EPG5: variants seen among roughly 807,000 people sequenced by gnomAD.
The protein encoded by EPG5 is ectopic P-granules 5 autophagy tethering factor, also known as ectopic P granules protein 5 homolog.
In EPG5, 159 loss-of-function variants were observed where a neutral mutation model predicts 302.7. The ratio of observed to expected loss-of-function variants is 0.53; its 90% confidence interval spans 0.46 to 0.60. The LOEUF (loss-of-function observed/expected upper bound fraction) is 0.60. EPG5 is among the 20% of genes least tolerant of loss of function. The pLI is 0.00. For missense variants in EPG5, 2,896 were observed against 3,092.4 expected, an observed-to-expected ratio of 0.94 and a Z score of 1.51; for synonymous variants, 1,158 against 1,136.8, an observed-to-expected ratio of 1.02 and a Z score of -0.37.
chr18:45,833,197 G>A, the EPG5 span, among the ~76,000 whole-genome samples: 1 of 152,184 alleles, frequency 6.6e-6, no homozygotes, highest in Non-Finnish European at 1.5e-5. Context: ...CCAGGGTTAA[G>A]CCTTGGCTCT....
At chr18:45,842,463 A>C in the EPG5 span, 3 of 384,224 alleles carry the variant, frequency 7.8e-6, no homozygotes, top group East Asian at 5.2e-5. Flanking sequence ...GAGAGAGAGT[A>C]CACGCATTAG....
the EPG5 span, among the ~76,000 whole-genome samples, chr18:45,827,137 A>G: frequency 6.6e-6 from 1 of 152,178 alleles, no homozygotes; most frequent in Non-Finnish European, 1.5e-5. Context: ...CCTGGTCTCG[A>G]ACTCCTGACC....
the EPG5 span, chr18:45,840,258 C>T: frequency 6.2e-7 from 1 of 1,610,302 alleles, no homozygotes; most frequent in Non-Finnish European, 8.5e-7. Context: ...GAGCTCCCCG[C>T]CTCCACCCTA....
At chr18:45,908,613 G>A (rs959159134) in intron 23 of EPG5, among the ~76,000 whole-genome samples, 1 of 152,186 alleles carries the variant, frequency 6.6e-6, no homozygotes, top group South Asian at 2.1e-4. Context: ...ATGTGTGTAC[G>A]CCCCTCTCAT....
chr18:45,879,950 C>A, intron 32 of EPG5, 125 bp downstream of exon 32: 1 of 1,123,316 alleles, frequency 8.9e-7, no homozygotes, highest in African/African-American at 1.6e-5. Flanking sequence ...AACCAAAGCA[C>A]TTAACACAAA....
intron 27 of EPG5, among the ~76,000 whole-genome samples, chr18:45,897,652 A>T (rs1473920640): frequency 6.6e-6 from 1 of 152,250 alleles, no homozygotes; most frequent in Non-Finnish European, 1.5e-5. Context: ...ACATATTTAC[A>T]ATAACATACG....
rs2048427185 is a variant in EPG5 at position 45,851,844 on chromosome 18, G to A, written c.*623C>T. ...TCTCCATGAGGATACACGGCTGGAT[G>A]GAAATTGACTTGTCATCATCTCTAC... On this transcript the variant is annotated 3_prime_UTR_variant, in exon 44 of 44. Transcript: ENST00000282041. The A allele has an allele frequency of 6.6e-6, 1 of 152,206 alleles. No individual in the cohort carries two copies. Among genetic ancestry groups the A allele is most frequent in the Admixed American group, 6.5e-5 (1 of 15,288 alleles). The allele number at this position is 152,206 out of a possible 1,614,324, so 9.4% of individuals were successfully genotyped here.
At chr18:45,831,201 C>G in the EPG5 span, among the ~76,000 whole-genome samples, 1,219 of 152,318 alleles carry the variant, frequency 8.0e-3, 11 homozygotes, top group African/African-American at 0.026. Context: ...GTCTCTGTGT[C>G]CACCTGCTAC....
intron 7 of EPG5, among the ~76,000 whole-genome samples, chr18:45,944,520 C>T (rs1485078328): frequency 1.3e-5 from 2 of 152,088 alleles, no homozygotes; most frequent in Non-Finnish European, 2.9e-5. Context: ...TTTGGAAGGC[C>T]GAGGCGGGCA....
intron 27 of EPG5, among the ~76,000 whole-genome samples, chr18:45,893,792 T>C (rs8090303): frequency 0.99 from 150,224 of 152,328 alleles, 74,077 homozygotes; most frequent in East Asian, 1. Flanking sequence ...AAGTATTAAG[T>C]TGTTTAAAAG....
At chr18:45,868,054 G>A in intron 36 of EPG5, 1 of 483,612 alleles carries the variant, frequency 2.1e-6, no homozygotes, top group Non-Finnish European at 4.1e-6. Flanking sequence ...GTAAGTCACT[G>A]GAGCTGCAGG....
chr18:45,891,929 T>C (rs1267857086), intron 27 of EPG5, among the ~76,000 whole-genome samples: 1 of 152,192 alleles, frequency 6.6e-6, no homozygotes, highest in African/African-American at 2.4e-5. Flanking sequence ...TTTTGTTCAA[T>C]ACATCACCAA....
chr18:45,964,989 A>C (rs1251925381), intron 1 of EPG5, among the ~76,000 whole-genome samples: 1 of 152,182 alleles, frequency 6.6e-6, no homozygotes, highest in East Asian at 1.9e-4. Context: ...ATTTGGTACC[A>C]AAATGACTTT....
At chr18:45,900,851 TAACCAAGTG>T (rs1568135088) in intron 26 of EPG5, 136 bp downstream of exon 26, 1 of 667,532 alleles carries the variant, frequency 1.5e-6, no homozygotes, top group Non-Finnish European at 2.4e-6. Flanking sequence ...ACAACTTGGT[TAACCAAGTG>T]AACCGTCTGG....
intron 28 of EPG5, among the ~76,000 whole-genome samples, chr18:45,889,213 C>T (rs937819597): frequency 6.6e-6 from 1 of 152,202 alleles, no homozygotes; most frequent in Non-Finnish European, 1.5e-5. Context: ...TCAACCCCCA[C>T]CTCCCAAGTC....
chr18:45,849,183 A>G lies in EPG5; in HGVS notation c.*3284T>C, dbSNP rs932772202. On this transcript the variant is annotated 3_prime_UTR_variant, in exon 44 of 44. Coordinates refer to ENST00000282041, the MANE Select transcript of EPG5 (RefSeq NM_020964.3). ...GGTGTTAGACATGTGATGAAAACTGAAAATATCTAAAGGTCTGCCTCAAGG... is the reference window on the plus strand; with the variant it reads ...GGTGTTAGACATGTGATGAAAACTGGAAATATCTAAAGGTCTGCCTCAAGG... 5.3e-5 allele frequency: 8 copies of G among 152,212 alleles called. No homozygotes were observed. Among genetic ancestry groups the G allele is most frequent in the Admixed American group, 5.2e-4 (8 of 15,274 alleles). The allele number at this position is 152,212 out of a possible 1,614,324, so 9.4% of individuals were successfully genotyped here. A position where few individuals can be genotyped will look rare whatever the true frequency, so the allele number is the denominator to read the frequency against.
Position 45,943,989 on chromosome 18 carries a change from A to G in EPG5, c.1792+16T>C. 6.6e-7 allele frequency: 1 copy of G among 1,519,730 alleles called. No homozygotes were observed. The highest frequency in any genetic ancestry group is 9.1e-7 in the Non-Finnish European group (1 of 1,094,072). The allele number at this position is 1,519,730 out of a possible 1,614,324, so 94.1% of individuals were successfully genotyped here. A position where few individuals can be genotyped will look rare whatever the true frequency, so the allele number is the denominator to read the frequency against. ...TTGCCACTACCACATTTTACACTTA[A>G]GAGAAATGAGTCTACCTTTTGCTTT... is the stretch of plus-strand genomic sequence containing the variant. On this transcript the variant is annotated intron_variant, in intron 8 of 43. Coordinates refer to ENST00000282041, the MANE Select transcript of EPG5 (RefSeq NM_020964.3).
At chr18:45,829,517 C>T in the EPG5 span, among the ~76,000 whole-genome samples, 31 of 152,324 alleles carry the variant, frequency 2.0e-4, 1 homozygote, top group Middle Eastern at 3.4e-3. Flanking sequence ...CAGCTCCACC[C>T]ACATACCTAC....
At chr18:45,914,147 T>C (rs1393109009) in intron 20 of EPG5, among the ~76,000 whole-genome samples, 2 of 152,194 alleles carry the variant, frequency 1.3e-5, no homozygotes, top group Non-Finnish European at 2.9e-5. Flanking sequence ...GCTCTGTCTT[T>C]AAGAAGTCTT....
Sources: allele counts gnomAD v4.1 joint callset (sites outside exome capture counted in the v4.1 genomes callset), GRCh38; gene constraint gnomAD v4.1.1; transcripts MANE v1.5; gene names NCBI Gene and HGNC (gene_info 2026-07-23, HGNC 2026-07-21).